COL18A1: variants seen among roughly 807,000 people sequenced by gnomAD.
COL18A1 encodes the protein collagen alpha-1(XVIII) chain.
Under a neutral mutation model 168.0 loss-of-function variants are expected in COL18A1, and 133 were observed. The observed-to-expected ratio is 0.79, with a 90% CI of 0.69 to 0.91. The LOEUF is 0.91. COL18A1 is among the 40% of genes least tolerant of loss of function. COL18A1 has a pLI of 0.00. For missense variants in COL18A1, 2,126 were observed against 1,925.4 expected, an observed-to-expected ratio of 1.10 and a Z score of -1.95; for synonymous variants, 949 against 809.0, an observed-to-expected ratio of 1.17 and a Z score of -2.94.
At chr21:45,434,044 G>A (rs570927550) in intron 2 of COL18A1, among the ~76,000 whole-genome samples, 2 of 152,104 alleles carry the variant, frequency 1.3e-5, no homozygotes, top group East Asian at 3.9e-4. Flanking sequence ...AGGTGTGTGA[G>A]CAGGTGCATG....
chr21:45,482,039 C>T lies in COL18A1; in HGVS notation c.1674+14C>T, dbSNP rs1464180114. On this transcript the variant is annotated intron_variant, in intron 14 of 41. Coordinates refer to ENST00000651438, the MANE Select transcript of COL18A1 (RefSeq NM_001379500.1). ...AAAGGCAGCCTGGTAAGTCTTCCCT[C>T]GAGTCCAGGGTGAGTGGGAACCAGC... 15 of 1,610,162 alleles carry T rather than the reference C, an allele frequency of 9.3e-6. No homozygotes were observed. Among genetic ancestry groups the T allele is most frequent in the African/African-American group, 5.3e-5 (4 of 74,856 alleles).
chr21:45,497,856 C>T, intron 32 of COL18A1, 195 bp downstream of exon 32: 1 of 702,324 alleles, frequency 1.4e-6, no homozygotes, highest in Non-Finnish European at 2.4e-6. Context: ...GCGAGGGTGG[C>T]TGCAGGGCAC....
chr21:45,417,753 G>T (rs182193265), intron 2 of COL18A1, among the ~76,000 whole-genome samples: 2 of 152,344 alleles, frequency 1.3e-5, no homozygotes, highest in African/African-American at 4.8e-5. Flanking sequence ...AGCCACTGTG[G>T]TCTGGGCAGA....
chr21:45,440,511 AAGCAGTCGGGGC>A, intron 2 of COL18A1, among the ~76,000 whole-genome samples: 1 of 151,800 alleles, frequency 6.6e-6, no homozygotes, highest in African/African-American at 2.4e-5. Context: ...CGTTCCCCGG[AAGCAGTCGGGGC>A]CTGCTGGGGT....
chr21:45,495,212 GGCCGGGGTAGCCTGAGA>G, intron 28 of COL18A1, 129 bp from the exon 29 acceptor site: 1 of 732,148 alleles, frequency 1.4e-6, no homozygotes, highest in Admixed American at 2.0e-5. Flanking sequence ...GGGTGAGAAG[GGCCGGGGTAGCCTGAGA>G]GCTGGGAACG....
chr21:45,495,893 C>T (rs1452357481), intron 29 of COL18A1: 6 of 317,466 alleles, frequency 1.9e-5, no homozygotes, highest in Admixed American at 1.7e-4. Flanking sequence ...ACATACATGA[C>T]TATGAGCCCT....
intron 2 of COL18A1, among the ~76,000 whole-genome samples, chr21:45,460,975 G>A (rs986365889): frequency 6.6e-6 from 1 of 152,136 alleles, no homozygotes; most frequent in African/African-American, 2.4e-5. Context: ...CTTCCTGCAG[G>A]TCCTTTTACG....
chr21:45,494,212 G>C, intron 26 of COL18A1: 1 of 515,844 alleles, frequency 1.9e-6, no homozygotes, highest in Non-Finnish European at 3.5e-6. Context: ...TGGAGCTGGG[G>C]CCTGTGGCAA....
At chr21:45,500,076 G>A (rs1487652382) in intron 32 of COL18A1, among the ~76,000 whole-genome samples, 5 of 141,656 alleles carry the variant, frequency 3.5e-5, no homozygotes, top group Non-Finnish European at 1.5e-5. Flanking sequence ...GTGGGTTTGG[G>A]TGTGTGTGGA....
chr21:45,495,169 A>C (rs2036487698), intron 28 of COL18A1, 189 bp from the exon 29 acceptor site: 1 of 660,136 alleles, frequency 1.5e-6, no homozygotes, highest in Non-Finnish European at 2.7e-6. Context: ...AGGCTCAGTC[A>C]CCTCCTCCCA....
At chr21:45,428,289 G>A (rs1015926661) in intron 2 of COL18A1, among the ~76,000 whole-genome samples, 1 of 152,168 alleles carries the variant, frequency 6.6e-6, no homozygotes, top group South Asian at 2.1e-4. Context: ...TCTGAGGAAG[G>A]TGGGGCCAGG....
intron 15 of COL18A1, among the ~76,000 whole-genome samples, chr21:45,485,423 G>A (rs968731097): frequency 1.3e-5 from 2 of 152,042 alleles, no homozygotes; most frequent in South Asian, 4.2e-4. Context: ...TTGAGTCCAG[G>A]AGTTCAAGGC....
rs1468413128 is a variant in COL18A1, at chr21:45,443,106, G to C, written c.107-25136G>C. ...TGGTGGTGCTGATGTGGGCGGCGGT[G>C]CTGGTGTGGGCGGCGGTGCTGGTGT... On this transcript the variant is annotated intron_variant, in intron 2 of 41. Coordinates refer to ENST00000651438, the MANE Select transcript of COL18A1 (RefSeq NM_001379500.1). This position sits in a 1 kb window ranked among gnomAD's most constrained non-coding sequence, Gnocchi z 5.2. 0.012 allele frequency among the ~76,000 whole-genome samples: 965 copies of C among 77,204 alleles called. 21 individuals are homozygous for C. Among genetic ancestry groups the C allele is most frequent in the African/African-American group, 0.042 (899 of 21,410 alleles). The allele number at this position is 77,204 out of a possible 152,430, so 50.6% of individuals were successfully genotyped here.
Position 45,496,547 on chromosome 21 carries a change from G to T in COL18A1, c.2556G>T (p.Gly852=). 1 of 1,523,044 alleles carries T rather than the reference G, an allele frequency of 6.6e-7. No homozygotes were observed. The highest frequency in any genetic ancestry group is 9.1e-7 in the Non-Finnish European group (1 of 1,097,908). The allele number at this position is 1,523,044 out of a possible 1,614,324, so 94.3% of individuals were successfully genotyped here. A position where few individuals can be genotyped will look rare whatever the true frequency, so the allele number is the denominator to read the frequency against. The change falls in exon 30 of 42, where the codon GGG becomes GGT. Residue 852 remains glycine (G), a synonymous_variant. Coordinates refer to ENST00000651438, the MANE Select transcript of COL18A1 (RefSeq NM_001379500.1). ...PGPPGPPGPP[G]TPVYDSNVFA... ...CTCCAGGGCCCCCAGGCCCTCCAGG[G>T]ACTCCTGTTTACGACAGCAATGTAA...
chr21:45,478,665 G>T (rs888571905), intron 9 of COL18A1, among the ~76,000 whole-genome samples: 1 of 152,110 alleles, frequency 6.6e-6, no homozygotes, highest in Non-Finnish European at 1.5e-5. Context: ...GCGGGGCAGG[G>T]GGTGGTGCAA....
At chr21:45,478,126 TGGTCAGACGTGGGAGGC>T in intron 8 of COL18A1, 161 bp downstream of exon 8, 1 of 768,262 alleles carries the variant, frequency 1.3e-6, no homozygotes, top group Non-Finnish European at 2.2e-6. Context: ...TGCTGGAAGG[TGGTCAGACGTGGGAGGC>T]GGAGCTGCTC....
intron 32 of COL18A1, among the ~76,000 whole-genome samples, chr21:45,503,771 A>G (rs192217320): frequency 1.9e-4 from 29 of 152,232 alleles, no homozygotes; most frequent in Non-Finnish European, 2.9e-4. Flanking sequence ...ATGTACCCTA[A>G]AACTTAAAGT....
At position 45,512,380 on chromosome 21, in the gene COL18A1, C is replaced by T. The variant is rs992432251; in HGVS notation, c.4002C>T (p.Phe1334=). The change falls in exon 42 of 42, where the codon TTC becomes TTT. Residue 1334 remains phenylalanine (F), a synonymous_variant. Coordinates refer to ENST00000651438, the MANE Select transcript of COL18A1 (RefSeq NM_001379500.1). ...AYIVLCIENS[F]MTASK ...TCGTGCTCTGCATTGAGAACAGCTTCATGACTGCCTCCAAGTAGCCACCGC... is the reference window on the plus strand; with the variant it reads ...TCGTGCTCTGCATTGAGAACAGCTTTATGACTGCCTCCAAGTAGCCACCGC... The T allele has an allele frequency of 6.2e-7, 1 of 1,612,540 alleles. No homozygotes were observed. The highest frequency in any genetic ancestry group is 1.7e-5 in the Admixed American group (1 of 59,988).
At chr21:45,492,091 T>G (rs910634941) in intron 22 of COL18A1, among the ~76,000 whole-genome samples, 1 of 151,688 alleles carries the variant, frequency 6.6e-6, no homozygotes, top group African/African-American at 2.4e-5. Context: ...AGAGGAGGGG[T>G]GGAGTTGGGA....
Sources: allele counts gnomAD v4.1 joint callset (sites outside exome capture counted in the v4.1 genomes callset), GRCh38; gene constraint gnomAD v4.1.1; non-coding constraint Gnocchi (gnomAD v3.1); transcripts MANE v1.5; gene names NCBI Gene and HGNC (gene_info 2026-07-23, HGNC 2026-07-21).